The following STK32B variants were observed in gnomAD, a reference collection of about 807,000 sequenced individuals.
The protein encoded by STK32B is serine/threonine-protein kinase 32B.
Under a neutral mutation model 52.6 loss-of-function variants are expected in STK32B, and 43 were observed. That is an observed-to-expected ratio of 0.82 (90% CI 0.64 to 1.05). The LOEUF (loss-of-function observed/expected upper bound fraction) is 1.05, where lower values mean the gene tolerates loss of function less well. Among genes scored for constraint, STK32B ranks in the 50% least tolerant of loss-of-function variants. The probability of loss-of-function intolerance (pLI) is 0.00; values close to 1 mark genes in which losing one functional copy is unlikely to be tolerated. For missense variants in STK32B, 621 were observed against 534.6 expected (o/e 1.16, Z -1.59); for synonymous variants, 238 against 204.3 (o/e 1.17, Z -1.41).
chr4:5,439,360 T>G (rs1714470023), intron 6 of STK32B, among the ~76,000 whole-genome samples: 1 of 151,886 alleles, frequency 6.6e-6, no homozygotes. Flanking sequence ...CCAGTGATGA[T>G]GAGCATTTTT....
At chr4:5,410,194 C>A (rs139547737) in intron 5 of STK32B, among the ~76,000 whole-genome samples, 2 of 152,154 alleles carry the variant, frequency 1.3e-5, no homozygotes, top group Non-Finnish European at 2.9e-5. Context: ...TTGCTGGAAA[C>A]GGCTGGAGCC....
chr4:5,019,399 C>T, the STK32B span: 1 of 1,494,212 alleles, frequency 6.7e-7, no homozygotes, highest in Non-Finnish European at 8.8e-7. Context: ...GGCGGGGGCT[C>T]CCGCCAGGAG....
intron 2 of STK32B, among the ~76,000 whole-genome samples, chr4:5,158,744 G>C (rs1450043065): frequency 6.6e-6 from 1 of 152,052 alleles, no homozygotes; most frequent in South Asian, 2.1e-4. Flanking sequence ...TTCTCCCTGC[G>C]TCCTCACATG....
chr4:5,077,578 A>T (rs1170116972), intron 1 of STK32B, among the ~76,000 whole-genome samples: 7 of 152,128 alleles, frequency 4.6e-5, no homozygotes, highest in Non-Finnish European at 1.0e-4. Flanking sequence ...CCACCTCCCC[A>T]GCCCTTTTCC....
intron 1 of STK32B, among the ~76,000 whole-genome samples, chr4:5,094,548 G>A (rs1341487519): frequency 6.6e-6 from 1 of 152,118 alleles, no homozygotes; most frequent in Non-Finnish European, 1.5e-5. Context: ...CAGCTACTTG[G>A]GAGGCTGAGG....
At chr4:5,374,165 G>A (rs1043512941) in intron 4 of STK32B, among the ~76,000 whole-genome samples, 8 of 152,142 alleles carry the variant, frequency 5.3e-5, no homozygotes, top group African/African-American at 4.8e-5. Context: ...GGCAAGAAGA[G>A]TTCTCCCTTA....
At chr4:5,091,772 C>A (rs1713090567) in intron 1 of STK32B, among the ~76,000 whole-genome samples, 1 of 152,122 alleles carries the variant, frequency 6.6e-6, no homozygotes, top group African/African-American at 2.4e-5. Flanking sequence ...CAGAATTATT[C>A]ATAATAGCCA....
intron 6 of STK32B, among the ~76,000 whole-genome samples, chr4:5,428,516 A>G (rs144111687): frequency 0.014 from 2,115 of 152,334 alleles, 25 homozygotes; most frequent in Middle Eastern, 0.027. Flanking sequence ...CAGAGAAAAT[A>G]TTTTGTATGA....
At chr4:5,206,481 G>A (rs1722584534) in intron 3 of STK32B, among the ~76,000 whole-genome samples, 1 of 152,152 alleles carries the variant, frequency 6.6e-6, no homozygotes, top group Admixed American at 6.5e-5. Flanking sequence ...CAATCCCCCA[G>A]TCTTGAGCTA....
chr4:5,482,857 G>A (rs992961495), intron 11 of STK32B, among the ~76,000 whole-genome samples: 3 of 152,134 alleles, frequency 2.0e-5, no homozygotes, highest in African/African-American at 7.2e-5. Flanking sequence ...TGTGGTTTTT[G>A]TCTTTGGTTC....
intron 6 of STK32B, among the ~76,000 whole-genome samples, chr4:5,438,534 C>A (rs1004814638): frequency 3.3e-5 from 5 of 152,186 alleles, no homozygotes; most frequent in Non-Finnish European, 7.3e-5. Flanking sequence ...GTTTGGGTAA[C>A]TGATGGACGA....
intron 4 of STK32B, among the ~76,000 whole-genome samples, chr4:5,367,271 G>C (rs1734938221): frequency 6.6e-6 from 1 of 152,140 alleles, no homozygotes; most frequent in Non-Finnish European, 1.5e-5. Flanking sequence ...CTCCAGGATA[G>C]TTCTTTATGC....
intron 3 of STK32B, among the ~76,000 whole-genome samples, chr4:5,183,558 A>G (rs1048129885): frequency 6.6e-6 from 1 of 152,202 alleles, no homozygotes; most frequent in African/African-American, 2.4e-5. Flanking sequence ...CCTAGATGGC[A>G]TCTACCTCCA....
chr4:5,079,476 A>G (rs1577054180), intron 1 of STK32B, among the ~76,000 whole-genome samples: 1 of 152,218 alleles, frequency 6.6e-6, no homozygotes, highest in African/African-American at 2.4e-5. Flanking sequence ...CTCATTAAGA[A>G]GGCAAAATTT....
At chr4:5,062,778 G>A (rs1233006506) in intron 1 of STK32B, among the ~76,000 whole-genome samples, 1 of 152,182 alleles carries the variant, frequency 6.6e-6, no homozygotes, top group African/African-American at 2.4e-5. Context: ...AAAGTGCTGG[G>A]ATTACAGGCA....
intron 3 of STK32B, among the ~76,000 whole-genome samples, chr4:5,299,094 A>T (rs1297929255): frequency 1.3e-5 from 2 of 151,618 alleles, no homozygotes; most frequent in African/African-American, 4.9e-5. Context: ...GCAACATCCC[A>T]CCCTGCTTCT....
At chr4:5,056,340 T>C (rs996565291) in intron 1 of STK32B, among the ~76,000 whole-genome samples, 1 of 152,240 alleles carries the variant, frequency 6.6e-6, no homozygotes. Flanking sequence ...TGTCTCTTCC[T>C]AAGGAATTGC....
chr4:5,269,302 G>C (rs1466024224), intron 3 of STK32B, among the ~76,000 whole-genome samples: 1 of 152,154 alleles, frequency 6.6e-6, no homozygotes, highest in Non-Finnish European at 1.5e-5. Context: ...AAGAGGAATT[G>C]AGTAGAGAAC....
Position 5,396,757 on chromosome 4 carries a change from A to G in STK32B, c.435-1450A>G, listed in dbSNP as rs1304284758. Reference sequence around the variant, plus strand: ...TTTCATTCTTGACATGTATTTTATTATCTCTTTTCTCATCTTTTGTTGAGA... The same window carrying G: ...TTTCATTCTTGACATGTATTTTATTGTCTCTTTTCTCATCTTTTGTTGAGA... On this transcript the variant is annotated intron_variant, in intron 4 of 11. Transcript: ENST00000282908. This position sits in a 1 kb window ranked among gnomAD's most constrained non-coding sequence, Gnocchi z 4.7. Among the ~76,000 whole-genome samples the G allele has an allele frequency of 1.3e-5, 2 of 152,178 alleles. No individual in the cohort carries two copies. The highest frequency in any genetic ancestry group is 2.9e-5 in the Non-Finnish European group (2 of 68,026).
Sources: allele counts gnomAD v4.1 joint callset (sites outside exome capture counted in the v4.1 genomes callset), GRCh38; gene constraint gnomAD v4.1.1; non-coding constraint Gnocchi (gnomAD v3.1); transcripts MANE v1.5; gene names NCBI Gene and HGNC (gene_info 2026-07-23, HGNC 2026-07-21).